DGKB: variants seen among roughly 807,000 people sequenced by gnomAD.
DGKB encodes diacylglycerol kinase beta.
Under a neutral mutation model 114.3 loss-of-function variants are expected in DGKB, and 67 were observed. The ratio of observed to expected loss-of-function variants is 0.59; its 90% CI spans 0.48 to 0.72. The LOEUF is 0.72. Ranked by LOEUF, DGKB falls within the 30% of genes least tolerant of loss-of-function variation. The pLI is 0.00. For missense variants in DGKB, 907 were observed against 975.2 expected (o/e 0.93, Z 0.93); for synonymous variants, 398 against 323.1 (o/e 1.23, Z -2.49).
intron 2 of DGKB, among the ~76,000 whole-genome samples, chr7:14,839,621 T>C (rs2128135591): frequency 6.6e-6 from 1 of 152,022 alleles, no homozygotes; most frequent in Middle Eastern, 3.4e-3. Flanking sequence ...AGTCTAGTCA[T>C]GAACTGCTGG....
intron 17 of DGKB, among the ~76,000 whole-genome samples, chr7:14,591,002 T>C (rs1006045916): frequency 1.3e-5 from 2 of 152,034 alleles, no homozygotes; most frequent in East Asian, 1.9e-4. Context: ...TAGCGGACAA[T>C]TGGGAGACCT....
At chr7:14,588,765 G>T (rs573232710) in intron 17 of DGKB, among the ~76,000 whole-genome samples, 1 of 151,948 alleles carries the variant, frequency 6.6e-6, no homozygotes, top group African/African-American at 2.4e-5. Flanking sequence ...TTTTACTCAC[G>T]ACTTTGTCCA....
chr7:14,749,282 C>A (rs757338930), intron 4 of DGKB, among the ~76,000 whole-genome samples: 8 of 152,092 alleles, frequency 5.3e-5, no homozygotes, highest in Admixed American at 2.0e-4. Context: ...TGATAGTCCC[C>A]TAAAGCTGTC....
chr7:14,402,997 T>C (rs1393304099), intron 21 of DGKB, among the ~76,000 whole-genome samples: 1 of 151,878 alleles, frequency 6.6e-6, no homozygotes, highest in Non-Finnish European at 1.5e-5. Context: ...AGCTCCACAA[T>C]AGCATGATCC....
chr7:14,639,849 A>G (rs891734023), intron 13 of DGKB, among the ~76,000 whole-genome samples: 4 of 152,158 alleles, frequency 2.6e-5, no homozygotes, highest in Non-Finnish European at 5.9e-5. Flanking sequence ...TTAGGAACCC[A>G]CCTAAAAGAG....
intron 23 of DGKB, among the ~76,000 whole-genome samples, chr7:14,337,141 T>C (rs1411151152): frequency 6.6e-6 from 1 of 152,128 alleles, no homozygotes; most frequent in African/African-American, 2.4e-5. Flanking sequence ...CACTACCCTT[T>C]TTAGAAATCT....
At chr7:14,381,874 T>C (rs527326111) in intron 21 of DGKB, among the ~76,000 whole-genome samples, 3 of 152,348 alleles carry the variant, frequency 2.0e-5, no homozygotes, top group Admixed American at 6.5e-5. Flanking sequence ...ACAGTTTCAG[T>C]TTCCATCTGT....
intron 13 of DGKB, among the ~76,000 whole-genome samples, chr7:14,664,183 C>A (rs1817637444): frequency 6.6e-6 from 1 of 152,006 alleles, no homozygotes; most frequent in African/African-American, 2.4e-5. Flanking sequence ...ATCAGTTGAG[C>A]CACCCAGATT....
chr7:14,467,520 T>C (rs1042598622), intron 21 of DGKB, among the ~76,000 whole-genome samples: 1 of 152,040 alleles, frequency 6.6e-6, no homozygotes, highest in Non-Finnish European at 1.5e-5. Context: ...TTCTGTATGA[T>C]GTAATTATTA....
chr7:14,840,039 G>A (rs1012145939), intron 2 of DGKB, among the ~76,000 whole-genome samples: 9 of 151,974 alleles, frequency 5.9e-5, no homozygotes, highest in South Asian at 2.1e-4. Flanking sequence ...GATAGTATTC[G>A]CTATTACCAT....
upstream of DGKB, among the ~76,000 whole-genome samples, chr7:14,904,075 C>T (rs554721332): frequency 2.0e-5 from 3 of 152,242 alleles, no homozygotes; most frequent in Admixed American, 1.3e-4. Flanking sequence ...ATATGACATT[C>T]GGCAGAACTT....
At chr7:14,593,432 G>A (rs1285168791) in intron 17 of DGKB, among the ~76,000 whole-genome samples, 1 of 151,782 alleles carries the variant, frequency 6.6e-6, no homozygotes, top group African/African-American at 2.4e-5. Flanking sequence ...TAATGTACAT[G>A]TTTCTTTAAA....
At chr7:14,341,559 A>G (rs577302379) in intron 22 of DGKB, among the ~76,000 whole-genome samples, 1 of 152,012 alleles carries the variant, frequency 6.6e-6, no homozygotes, top group South Asian at 2.1e-4. Flanking sequence ...AGGTAGAAAA[A>G]AGGTCGTTAA....
intron 20 of DGKB, among the ~76,000 whole-genome samples, chr7:14,524,802 C>T (rs552744482): frequency 1.3e-5 from 2 of 151,246 alleles, no homozygotes; most frequent in South Asian, 4.2e-4. Context: ...CCATCTCTTT[C>T]CTGATAAGAC....
At position 14,176,897 on chromosome 7, in the gene DGKB, G is replaced by A. The variant is rs752662494; in HGVS notation, c.2246C>T (p.Thr749Met). ...AATTTGCATTGGCAGAGACTTGCTC[G>A]TCCTGGGGGAAAATATTTCATTGTA... ...LAQCSCVVIR[T>M]SKSLPMQIDG... The change falls in exon 25 of 26, where the codon ACG becomes ATG. Residue 749 changes from threonine (T) to methionine (M), a missense_variant and splice_region_variant. Physicochemically the swap from Thr to Met is moderately conservative, Grantham distance 81. Coordinates refer to ENST00000402815, the MANE Select transcript of DGKB (RefSeq NM_001350709.2). The A allele has an allele frequency of 6.2e-6, 10 of 1,612,900 alleles. No homozygotes were observed. The highest frequency in any genetic ancestry group is 2.2e-5 in the South Asian group (2 of 91,060).
At chr7:14,512,538 C>G (rs1468583287) in intron 20 of DGKB, among the ~76,000 whole-genome samples, 1 of 152,100 alleles carries the variant, frequency 6.6e-6, no homozygotes, top group Non-Finnish European at 1.5e-5. Flanking sequence ...TTCCTGACAA[C>G]TCAGTCTTTT....
chr7:14,574,060 G>C (rs1798765870), intron 20 of DGKB, among the ~76,000 whole-genome samples, 152 bp downstream of exon 20: 1 of 152,034 alleles, frequency 6.6e-6, no homozygotes, highest in South Asian at 2.1e-4. Flanking sequence ...ATAGTCATTA[G>C]AGCAATAATA....
intron 21 of DGKB, among the ~76,000 whole-genome samples, chr7:14,387,360 C>A (rs1262999754): frequency 7.0e-6 from 1 of 142,856 alleles, no homozygotes; most frequent in East Asian, 2.2e-4. Context: ...CTGCAGTCAG[C>A]TGAGACGGCA....
chr7:14,216,174 G>C (rs980110980), intron 23 of DGKB, among the ~76,000 whole-genome samples: 1 of 152,074 alleles, frequency 6.6e-6, no homozygotes, highest in African/African-American at 2.4e-5. Context: ...TTATGAAATA[G>C]AACAAGAAGA....
Sources: allele counts gnomAD v4.1 joint callset (sites outside exome capture counted in the v4.1 genomes callset), GRCh38; gene constraint gnomAD v4.1.1; transcripts MANE v1.5; gene names NCBI Gene and HGNC (gene_info 2026-07-23, HGNC 2026-07-21).